KDM4C: variants seen among roughly 807,000 people sequenced by gnomAD.
KDM4C encodes lysine-specific demethylase 4C.
In KDM4C, 81 loss-of-function variants were observed where a neutral mutation model predicts 129.3. The observed-to-expected ratio is 0.63, with a 90% CI of 0.52 to 0.75. The LOEUF (loss-of-function observed/expected upper bound fraction) is 0.75. KDM4C is among the 30% of genes least tolerant of loss of function. The pLI, the probability that KDM4C is intolerant of heterozygous loss-of-function variation, is 0.00. For synonymous variants in KDM4C, 573 were observed against 456.1 expected (o/e 1.26, Z -3.26); for missense variants, 1,457 against 1,304.0 (o/e 1.12, Z -1.81).
chr9:7,103,668 CT>C lies in KDM4C; in HGVS notation c.2425-16del, dbSNP rs1837355109. ...ACAGAATGTGAATTGATGTTCTTCT[CT>C]GTTTTAACCTTCCAGAAATGCATCT... On this transcript the variant is annotated splice_polypyrimidine_tract_variant and intron_variant, in intron 17 of 21. Transcript: ENST00000381309. 1 of 1,585,074 alleles carries C rather than the reference CT, an allele frequency of 6.3e-7. No individual in the cohort carries two copies. Among genetic ancestry groups the C allele is most frequent in the Non-Finnish European group, 8.6e-7 (1 of 1,161,162 alleles).
chr9:6,868,441 C>A (rs1458968694), intron 5 of KDM4C, among the ~76,000 whole-genome samples: 1 of 152,158 alleles, frequency 6.6e-6, no homozygotes, highest in African/African-American at 2.4e-5. Context: ...ATTTGAGCCA[C>A]CCCTCAGTAT....
At chr9:7,005,180 A>C (rs984847165) in intron 12 of KDM4C, among the ~76,000 whole-genome samples, 1 of 152,170 alleles carries the variant, frequency 6.6e-6, no homozygotes, top group Non-Finnish European at 1.5e-5. Flanking sequence ...TCACACCTGT[A>C]ATCCCAGCAC....
intron 6 of KDM4C, among the ~76,000 whole-genome samples, chr9:6,884,734 AAAAT>A (rs1301393555): frequency 6.6e-6 from 1 of 152,222 alleles, no homozygotes; most frequent in African/African-American, 2.4e-5. Context: ...TATACCCATA[AAAAT>A]GTCACTAAGC....
At chr9:7,165,837 G>A (rs1419958124) in intron 20 of KDM4C, among the ~76,000 whole-genome samples, 1 of 152,200 alleles carries the variant, frequency 6.6e-6, no homozygotes, top group Non-Finnish European at 1.5e-5. Flanking sequence ...ATGTCACAAG[G>A]AGCTGATGGT....
At chr9:6,894,751 C>G (rs1846589554) in intron 8 of KDM4C, among the ~76,000 whole-genome samples, 1 of 152,158 alleles carries the variant, frequency 6.6e-6, no homozygotes, top group Non-Finnish European at 1.5e-5. Flanking sequence ...GGTAGTGCTC[C>G]TCTCTGAAAT....
intron 17 of KDM4C, among the ~76,000 whole-genome samples, chr9:7,088,474 T>C (rs1224895176): frequency 1.3e-5 from 2 of 152,236 alleles, no homozygotes; most frequent in African/African-American, 4.8e-5. Flanking sequence ...ATTTCAAAAC[T>C]ATTTGACTTC....
chr9:7,158,226 A>G (rs753951274), intron 19 of KDM4C, among the ~76,000 whole-genome samples: 2 of 151,264 alleles, frequency 1.3e-5, no homozygotes, highest in Non-Finnish European at 2.9e-5. Flanking sequence ...TATTGCATCT[A>G]TGTGATTCTT....
At chr9:7,136,567 C>A (rs756708201) in intron 19 of KDM4C, among the ~76,000 whole-genome samples, 6 of 152,174 alleles carry the variant, frequency 3.9e-5, no homozygotes, top group Non-Finnish European at 7.3e-5. Flanking sequence ...ATTTATGTTT[C>A]CCTATTGACT....
intron 8 of KDM4C, among the ~76,000 whole-genome samples, chr9:6,928,447 G>T (rs917965672): frequency 1.3e-5 from 2 of 152,234 alleles, no homozygotes; most frequent in Admixed American, 6.5e-5. Context: ...AGTAGGTGCT[G>T]CTTGCCTGGT....
chr9:6,811,300 C>G (rs1041586922), intron 3 of KDM4C, among the ~76,000 whole-genome samples: 6 of 152,108 alleles, frequency 3.9e-5, no homozygotes, highest in Admixed American at 1.3e-4. Context: ...ACCACAGGTG[C>G]GTGCCACCAT....
rs1159761022 is a variant in KDM4C at position 6,770,334 on chromosome 9, T to C, written c.-18+12131T>C. Among the ~76,000 whole-genome samples, 4 of 152,180 alleles carry C rather than the reference T, an allele frequency of 2.6e-5. No homozygotes were observed. The East Asian group carries it at 7.7e-4, about 29-fold the overall frequency. On this transcript the variant is annotated intron_variant, in intron 1 of 21. Coordinates refer to ENST00000381309, the MANE Select transcript of KDM4C (RefSeq NM_015061.6). ...TTAATTTTATTATAAGTTGGTTAAA[T>C]ATTTGAGACTTTGGGGAAATTAAAC...
At chr9:7,145,350 G>C (rs7871719) in intron 19 of KDM4C, among the ~76,000 whole-genome samples, 128,393 of 152,196 alleles carry the variant, frequency 0.84, 54,523 homozygotes, top group African/African-American at 0.92. Context: ...TCTAATGAGA[G>C]TTGGACAGGC....
chr9:7,146,517 C>T (rs1842228047), intron 19 of KDM4C, among the ~76,000 whole-genome samples: 1 of 152,176 alleles, frequency 6.6e-6, no homozygotes, highest in African/African-American at 2.4e-5. Context: ...TGCCAATAAT[C>T]TGTCAAATGC....
intron 19 of KDM4C, among the ~76,000 whole-genome samples, chr9:7,153,602 A>G (rs1197085594): frequency 6.6e-6 from 1 of 152,076 alleles, no homozygotes; most frequent in African/African-American, 2.4e-5. Flanking sequence ...GAAGTCCTCC[A>G]GTTTTATATT....
chr9:6,792,468 A>G (rs1056476680), intron 1 of KDM4C, among the ~76,000 whole-genome samples: 3 of 151,936 alleles, frequency 2.0e-5, no homozygotes, highest in African/African-American at 7.2e-5. Context: ...GGCTCACTGC[A>G]ACTTCAGCCT....
At chr9:7,065,719 T>C (rs575745861) in intron 17 of KDM4C, among the ~76,000 whole-genome samples, 111 of 152,326 alleles carry the variant, frequency 7.3e-4, no homozygotes, top group African/African-American at 2.5e-3. Context: ...TTTTTATTTA[T>C]GAAAGCAGTG....
intron 4 of KDM4C, among the ~76,000 whole-genome samples, chr9:6,832,619 G>A (rs1835065000): frequency 6.7e-6 from 1 of 150,302 alleles, no homozygotes; most frequent in South Asian, 2.1e-4. Context: ...TAGAGATGGG[G>A]TTTCACCATG....
intron 8 of KDM4C, among the ~76,000 whole-genome samples, chr9:6,951,282 C>T (rs1286589035): frequency 6.6e-6 from 1 of 152,150 alleles, no homozygotes; most frequent in East Asian, 1.9e-4. Flanking sequence ...TTCTATCTAG[C>T]TGTAACTTTG....
intron 15 of KDM4C, among the ~76,000 whole-genome samples, chr9:7,018,833 T>C (rs1365751971): frequency 1.3e-5 from 2 of 152,260 alleles, no homozygotes; most frequent in Non-Finnish European, 2.9e-5. Flanking sequence ...TTAAAGCATC[T>C]TTCTATTAAT....
Sources: allele counts gnomAD v4.1 joint callset (sites outside exome capture counted in the v4.1 genomes callset), GRCh38; gene constraint gnomAD v4.1.1; transcripts MANE v1.5; gene names NCBI Gene and HGNC (gene_info 2026-07-23, HGNC 2026-07-21).